TSPAN13: variants seen among roughly 807,000 people sequenced by gnomAD.
TSPAN13 encodes the protein tetraspanin 13.
In TSPAN13, 18 loss-of-function variants were observed where a neutral mutation model predicts 26.9. That is an observed-to-expected ratio of 0.67 (90% confidence interval 0.46 to 0.99). The LOEUF is 0.99. Ranked by LOEUF, TSPAN13 falls within the 50% of genes least tolerant of loss-of-function variation. The pLI is 0.00. For missense variants in TSPAN13, 201 were observed against 249.6 expected, an observed-to-expected ratio of 0.81 and a Z score of 1.31; for synonymous variants, 116 against 98.4, an observed-to-expected ratio of 1.18 and a Z score of -1.06.
intron 1 of TSPAN13, among the ~76,000 whole-genome samples, chr7:16,759,979 G>C (rs6980298): frequency 0.4 from 60,979 of 151,998 alleles, 12,645 homozygotes; most frequent in African/African-American, 0.45. Context: ...GAGCAACTGT[G>C]CCTGGCCAGG....
In TSPAN13 at chr7:16,753,994, C is replaced by T; in HGVS notation, c.27C>T (p.Ser9=). The T allele has an allele frequency of 6.2e-7, 1 of 1,613,754 alleles. No individual in the cohort carries two copies. The highest frequency in any genetic ancestry group is 1.1e-5 in the South Asian group (1 of 90,954). The part of the protein sequence containing the change: MVCGGFAC[S]KNCLCALNLL... ...TGGTTTGCGGGGGCTTCGCGTGTTC[C>T]AAGAACTGCCTGTGCGCCCTCAACC... is the stretch of plus-strand genomic sequence containing the variant. The change falls in exon 1 of 6, where the codon TCC becomes TCT. Residue 9 remains serine (S), a synonymous_variant. Transcript: ENST00000262067.
intron 1 of TSPAN13, 100 bp downstream of exon 1, chr7:16,754,130 C>G: frequency 3.2e-6 from 4 of 1,232,812 alleles, no homozygotes; most frequent in Non-Finnish European, 4.5e-6. Flanking sequence ...CGTTGCATCC[C>G]GCGCCCCCTT....
Position 16,779,347 on chromosome 7 carries a change from T to C in TSPAN13, c.540+231T>C, listed in dbSNP as rs200216319. Among the ~76,000 whole-genome samples, 26 of 152,318 alleles carry C rather than the reference T, an allele frequency of 1.7e-4. No homozygotes were observed. The East Asian group carries it at 4.8e-3, about 28-fold the overall frequency. On this transcript the variant is annotated intron_variant, in intron 5 of 5. Transcript: ENST00000262067. ...TCTTATGTAAAATTTAATGAACTAA[T>C]GAGTGAGATTAGATTGAATTATCTC...
At chr7:16,767,402 T>C (rs1231675974) in intron 1 of TSPAN13, among the ~76,000 whole-genome samples, 1 of 152,252 alleles carries the variant, frequency 6.6e-6, no homozygotes, top group Non-Finnish European at 1.5e-5. Context: ...TAGAAATAGA[T>C]AAAAATCATT....
At position 16,779,136 on chromosome 7, in the gene TSPAN13, T is replaced by G; in HGVS notation, c.540+20T>G. On this transcript the variant is annotated intron_variant, in intron 5 of 5. Transcript: ENST00000262067. ...ACAGAGGTATGTGCAAATAACAATATTTTTCCTCCTTTGTCACAGAGATTC... is the reference window on the plus strand; with the variant it reads ...ACAGAGGTATGTGCAAATAACAATAGTTTTCCTCCTTTGTCACAGAGATTC... 1.3e-6 allele frequency: 2 copies of G among 1,567,456 alleles called. No individual in the cohort carries two copies. The highest frequency in any genetic ancestry group is 1.7e-6 in the Non-Finnish European group (2 of 1,143,784).
chr7:16,782,409 T>G lies in TSPAN13; in HGVS notation c.541-1008T>G, dbSNP rs367919211. On this transcript the variant is annotated intron_variant, in intron 5 of 5. Transcript: ENST00000262067. ...GCTACAAAGTCACATAAACAAAATT[T>G]AGGTTAAAAGTTGGCACACGTATAA... Among the ~76,000 whole-genome samples the G allele has an allele frequency of 3.3e-5, 5 of 152,200 alleles. No homozygotes were observed. The East Asian group carries it at 9.6e-4, about 29-fold the overall frequency.
intron 1 of TSPAN13, among the ~76,000 whole-genome samples, chr7:16,769,330 C>T (rs575634232): frequency 3.7e-4 from 57 of 152,278 alleles, no homozygotes; most frequent in African/African-American, 1.3e-3. Flanking sequence ...ACTGATTTGC[C>T]ACCAGGAGCA....
Position 16,777,106 on chromosome 7 carries a change from T to C in TSPAN13, c.296T>C (p.Leu99Pro). ...TCTGTATCTTGCGCTTGTTTAGCCC[T>C]GAACCAGGAGCAACAGGTAAGCTAA... ...QFSVSCACLALNQEQQGQLLE... is the reference protein window; with the variant it reads ...QFSVSCACLAPNQEQQGQLLE... The change falls in exon 3 of 6, where the codon CTG becomes CCG. Residue 99 changes from leucine (L) to proline (P), a missense_variant. Leu to Pro is a moderately conservative substitution (Grantham distance 98). Coordinates refer to ENST00000262067, the MANE Select transcript of TSPAN13 (RefSeq NM_014399.4). 6.2e-7 allele frequency: 1 copy of C among 1,613,426 alleles called. No homozygotes were observed. The highest frequency in any genetic ancestry group is 1.1e-5 in the South Asian group (1 of 91,038).
intron 1 of TSPAN13, among the ~76,000 whole-genome samples, 199 bp downstream of exon 1, chr7:16,754,229 C>A (rs1246082587): frequency 4.6e-5 from 7 of 152,234 alleles, no homozygotes; most frequent in Admixed American, 2.0e-4. Context: ...CTCTTCCTTT[C>A]GTTCATTGTG....
chr7:16,757,732 T>G (rs1024762224), intron 1 of TSPAN13, among the ~76,000 whole-genome samples: 7 of 152,224 alleles, frequency 4.6e-5, no homozygotes, highest in Non-Finnish European at 7.3e-5. Context: ...TTTTGGTTGT[T>G]TTGAGAAAAA....
chr7:16,765,897 T>C (rs1784598937), intron 1 of TSPAN13, among the ~76,000 whole-genome samples: 1 of 152,238 alleles, frequency 6.6e-6, no homozygotes, highest in South Asian at 2.1e-4. Flanking sequence ...TTTTTAATTA[T>C]GCTGTTAGAG....
chr7:16,761,810 C>T (rs184586687), intron 1 of TSPAN13, among the ~76,000 whole-genome samples: 1 of 143,352 alleles, frequency 7.0e-6, no homozygotes, highest in East Asian at 2.2e-4. Flanking sequence ...ACTGAGATTA[C>T]AGATGAGAGC....
chr7:16,765,295 G>T (rs1784593211), intron 1 of TSPAN13, among the ~76,000 whole-genome samples: 1 of 151,886 alleles, frequency 6.6e-6, no homozygotes, highest in Non-Finnish European at 1.5e-5. Context: ...TAGAGACAAG[G>T]TCTCCCCATG....
At chr7:16,761,533 T>G (rs1784540695) in intron 1 of TSPAN13, among the ~76,000 whole-genome samples, 1 of 152,008 alleles carries the variant, frequency 6.6e-6, no homozygotes, top group Admixed American at 6.6e-5. Context: ...TTTTCTTTTT[T>G]TTAGGGGCAG....
At chr7:16,782,010 T>G (rs910910329) in intron 5 of TSPAN13, among the ~76,000 whole-genome samples, 2 of 152,198 alleles carry the variant, frequency 1.3e-5, no homozygotes, top group African/African-American at 4.8e-5. Flanking sequence ...TGTGTGATTA[T>G]TTTGTTTAAC....
At chr7:16,757,567 T>C (rs1233732603) in intron 1 of TSPAN13, among the ~76,000 whole-genome samples, 2 of 152,102 alleles carry the variant, frequency 1.3e-5, no homozygotes, top group African/African-American at 2.4e-5. Flanking sequence ...ACCAAACATA[T>C]ATTTACTGGG....
chr7:16,753,818 C>G lies in TSPAN13; in HGVS notation c.-150C>G, dbSNP rs578152121. The stretch of plus-strand genomic sequence containing the variant: ...CCGAGCCGCCGCCGCGCGCGCGCCG[C>G]GCACTGCAGCCCCAGGCCCCGGCCC... On this transcript the variant is annotated 5_prime_UTR_variant, in exon 1 of 6. Transcript: ENST00000262067. 1.3e-5 allele frequency: 9 copies of G among 716,266 alleles called. No individual in the cohort carries two copies. Among genetic ancestry groups the G allele is most frequent in the African/African-American group, 7.6e-5 (4 of 52,486 alleles). 44.4% of individuals were successfully genotyped at this position (716,266 alleles called of 1,614,324 possible).
chr7:16,753,825 C>A lies in TSPAN13; in HGVS notation c.-143C>A, dbSNP rs564269974. The A allele has an allele frequency of 4.4e-4, 379 of 857,458 alleles. 6 individuals carry two copies. In the South Asian group the frequency reaches 5.3e-3, roughly 12 times the overall value. 53.1% of individuals were successfully genotyped at this position (857,458 alleles called of 1,614,324 possible). On this transcript the variant is annotated 5_prime_UTR_variant, in exon 1 of 6. Coordinates refer to ENST00000262067, the MANE Select transcript of TSPAN13 (RefSeq NM_014399.4). ...GCCGCCGCGCGCGCGCCGCGCACTG[C>A]AGCCCCAGGCCCCGGCCCCCCACCC...
At chr7:16,771,484 C>T (rs934207828) in intron 1 of TSPAN13, among the ~76,000 whole-genome samples, 4 of 152,104 alleles carry the variant, frequency 2.6e-5, no homozygotes, top group South Asian at 2.1e-4. Context: ...TCTGGGTGAG[C>T]TTTATGGAAT....
Sources: gnomAD v4.1 joint callset for allele counts (sites outside exome capture counted in the v4.1 genomes callset) on GRCh38, gnomAD v4.1.1 for gene constraint, MANE v1.5 for transcripts, NCBI Gene and HGNC (gene_info 2026-07-23, HGNC 2026-07-21) for gene names.